TMTC1: variants seen among roughly 807,000 people sequenced by gnomAD.
TMTC1 encodes the protein protein O-mannosyl-transferase TMTC1.
Under a neutral mutation model 104.8 loss-of-function variants are expected in TMTC1, and 73 were observed. That is an observed-to-expected ratio of 0.70 (90% CI 0.58 to 0.85). The LOEUF is 0.85. Among genes scored for constraint, TMTC1 ranks in the 40% least tolerant of loss-of-function variants. The pLI, the probability that TMTC1 is intolerant of heterozygous loss-of-function variation, is 0.00. For missense variants in TMTC1, 1,035 were observed against 1,096.1 expected (o/e 0.94, Z 0.79); for synonymous variants, 434 against 428.7 (o/e 1.01, Z -0.15).
At chr12:29,554,672 C>T (rs558018199) in intron 10 of TMTC1, among the ~76,000 whole-genome samples, 6 of 152,106 alleles carry the variant, frequency 3.9e-5, no homozygotes, top group South Asian at 2.1e-4. Context: ...AGTTTGAGAC[C>T]GGCCTGGGTG....
chr12:29,690,464 T>G (rs2136753981), intron 5 of TMTC1, among the ~76,000 whole-genome samples: 1 of 152,340 alleles, frequency 6.6e-6, no homozygotes, highest in East Asian at 1.9e-4. Flanking sequence ...TTTTTTTGTT[T>G]GGTTCATAAA....
intron 9 of TMTC1, among the ~76,000 whole-genome samples, chr12:29,565,998 AGAG>A (rs1325640926): frequency 3.3e-5 from 5 of 152,182 alleles, no homozygotes; most frequent in African/African-American, 9.6e-5. Context: ...TTTACTGGGT[AGAG>A]GAGGGACACA....
chr12:29,514,009 A>G (rs1943912494), intron 16 of TMTC1, among the ~76,000 whole-genome samples: 1 of 152,160 alleles, frequency 6.6e-6, no homozygotes, highest in Non-Finnish European at 1.5e-5. Flanking sequence ...CAGAAGAAGT[A>G]AGGTCACAGG....
intron 5 of TMTC1, among the ~76,000 whole-genome samples, chr12:29,705,310 C>G (rs547441669): frequency 3.3e-5 from 5 of 152,318 alleles, no homozygotes; most frequent in African/African-American, 1.2e-4. Context: ...ATATGCTACT[C>G]CAAAATAAGC....
At chr12:29,730,798 G>C (rs1942526245) in intron 5 of TMTC1, among the ~76,000 whole-genome samples, 1 of 152,094 alleles carries the variant, frequency 6.6e-6, no homozygotes, top group African/African-American at 2.4e-5. Flanking sequence ...ATTCAGCTAG[G>C]GTATAAAACG....
intron 7 of TMTC1, among the ~76,000 whole-genome samples, chr12:29,586,016 A>C (rs548630754): frequency 6.8e-4 from 104 of 152,040 alleles, no homozygotes; most frequent in Middle Eastern, 3.4e-3. Context: ...TTGAATCTAT[A>C]AATTACCTTG....
In TMTC1 at chr12:29,514,557, T is replaced by TG. The variant is rs1312219272; in HGVS notation, c.2354dup (p.Val787SerfsTer4). The stretch of plus-strand genomic sequence containing the variant: ...TGAAAAAAAGTTCAGAAATGACTTT[T>TG]GGGTCCTTTGGTTTCAGCTGGAGAG... On this transcript the variant is annotated frameshift_variant, in exon 16 of 18. Transcript: ENST00000539277. LOFTEE classifies it high-confidence loss of function. 1.5e-5 allele frequency: 24 copies of TG among 1,614,004 alleles called. No individual in the cohort carries two copies. The highest frequency in any genetic ancestry group is 1.9e-5 in the Non-Finnish European group (23 of 1,179,996).
chr12:29,583,102 T>C (rs577211875), intron 8 of TMTC1, among the ~76,000 whole-genome samples: 11 of 152,368 alleles, frequency 7.2e-5, no homozygotes, highest in Admixed American at 5.9e-4. Flanking sequence ...ATTTTGTTTA[T>C]AGCTGATTTT....
rs138176936 is a variant in TMTC1, at chr12:29,603,738, T to C, written c.1250+440A>G. 1.1e-3 allele frequency among the ~76,000 whole-genome samples: 170 copies of C among 152,338 alleles called. 1 individual carries two copies. The highest frequency in any genetic ancestry group is 3.7e-3 in the African/African-American group (152 of 41,590). On this transcript the variant is annotated intron_variant, in intron 7 of 17. Coordinates refer to ENST00000539277, the MANE Select transcript of TMTC1 (RefSeq NM_001193451.2). Reference sequence around the variant, plus strand: ...GTTCTTTTCCCAAGGACAAATTTTCTTGAGATTGCTTCCATTTTTAAATTG... The same window carrying C: ...GTTCTTTTCCCAAGGACAAATTTTCCTGAGATTGCTTCCATTTTTAAATTG...
At chr12:29,665,667 C>T (rs1290732743) in intron 5 of TMTC1, among the ~76,000 whole-genome samples, 1 of 152,168 alleles carries the variant, frequency 6.6e-6, no homozygotes, top group African/African-American at 2.4e-5. Context: ...TGACCAAAAC[C>T]TAGTCAGGTT....
intron 7 of TMTC1, among the ~76,000 whole-genome samples, chr12:29,585,800 C>G (rs981180344): frequency 1.3e-5 from 2 of 152,122 alleles, no homozygotes; most frequent in African/African-American, 4.8e-5. Flanking sequence ...TGGTCTATAT[C>G]TCTGTTTTGG....
chr12:29,518,437 T>C (rs765941789), intron 13 of TMTC1, 35 bp downstream of exon 13: 1 of 1,602,240 alleles, frequency 6.2e-7, no homozygotes, highest in Non-Finnish European at 8.5e-7. Flanking sequence ...CTGAGGTTCC[T>C]GGGCAACTTA....
intron 1 of TMTC1, among the ~76,000 whole-genome samples, chr12:29,771,685 G>A (rs1004220995): frequency 2.6e-5 from 4 of 152,106 alleles, no homozygotes; most frequent in African/African-American, 9.7e-5. Context: ...CCTGAGGATG[G>A]GAGAGGCAAG....
chr12:29,554,460 G>C (rs866983380), intron 10 of TMTC1, among the ~76,000 whole-genome samples: 1 of 152,108 alleles, frequency 6.6e-6, no homozygotes, highest in Non-Finnish European at 1.5e-5. Context: ...AGACGTTAGC[G>C]AGTCTTTAGC....
At chr12:29,685,619 T>C (rs1274273485) in intron 5 of TMTC1, among the ~76,000 whole-genome samples, 1 of 151,882 alleles carries the variant, frequency 6.6e-6, no homozygotes, top group Non-Finnish European at 1.5e-5. Context: ...TATTTTCTAT[T>C]AAAAAAACAT....
chr12:29,658,375 A>C (rs1337684715), intron 5 of TMTC1: 1 of 152,162 alleles, frequency 6.6e-6, no homozygotes, highest in East Asian at 1.9e-4. Flanking sequence ...TTTGACATCT[A>C]TTATGACACA....
intron 6 of TMTC1, among the ~76,000 whole-genome samples, chr12:29,626,874 G>T (rs1591824103): frequency 6.6e-6 from 1 of 152,304 alleles, no homozygotes; most frequent in Non-Finnish European, 1.5e-5. Context: ...GCCATGGCAG[G>T]TGGATCACTT....
chr12:29,672,371 C>T (rs1198112611), intron 5 of TMTC1, among the ~76,000 whole-genome samples: 1 of 152,220 alleles, frequency 6.6e-6, no homozygotes, highest in African/African-American at 2.4e-5. Context: ...GGGTCCATTG[C>T]TAGTGGGAGG....
At chr12:29,628,424 T>C (rs1310995913) in intron 6 of TMTC1, among the ~76,000 whole-genome samples, 6 of 152,214 alleles carry the variant, frequency 3.9e-5, no homozygotes, top group African/African-American at 1.2e-4. Flanking sequence ...TCCAGCCATC[T>C]GAATGGACCC....
Sources: gnomAD v4.1 joint callset for allele counts (sites outside exome capture counted in the v4.1 genomes callset) on GRCh38, gnomAD v4.1.1 for gene constraint, MANE v1.5 for transcripts, NCBI Gene and HGNC (gene_info 2026-07-23, HGNC 2026-07-21) for gene names.